Variants in RINL observed in about 807,000 individuals in gnomAD.
The protein encoded by RINL is Ras and Rab interactor like.
Under a neutral mutation model 58.1 loss-of-function variants are expected in RINL, and 39 were observed. The ratio of observed to expected loss-of-function variants is 0.67; its 90% CI spans 0.52 to 0.88. RINL has a LOEUF of 0.88. RINL is among the 40% of genes least tolerant of loss of function. The probability of loss-of-function intolerance (pLI) is 0.00; values close to 1 mark genes in which losing one functional copy is unlikely to be tolerated. For synonymous variants in RINL, 286 were observed against 323.1 expected (o/e 0.89, Z 1.23); for missense variants, 711 against 749.2 (o/e 0.95, Z 0.60).
chr19:38,873,484 G>A (rs1972855328), intron 4 of RINL: 1 of 169,048 alleles, frequency 5.9e-6, no homozygotes, highest in Non-Finnish European at 1.3e-5. Flanking sequence ...AGACAGGATT[G>A]GAAATATTCA....
In RINL at chr19:38,870,072, C is replaced by T; in HGVS notation, c.1213G>A (p.Ala405Thr). The part of the protein sequence containing the change: ...PGPEGQSPAP[A>T]LRSRIHERLA... ...CGCTCGTGGATGCGGCTCCGCAAGGCGGGGGCGGGGCTCTGCCCTTCCGGT... is the reference window on the plus strand; with the variant it reads ...CGCTCGTGGATGCGGCTCCGCAAGGTGGGGGCGGGGCTCTGCCCTTCCGGT... Residue 405 changes from alanine (A) to threonine (T), a missense_variant, in exon 9 of 12, where the codon GCC becomes ACC. Ala to Thr is a moderately conservative substitution (Grantham distance 58). Transcript: ENST00000591812. The surrounding 1 kb of genome is among the most constrained non-coding windows in gnomAD (Gnocchi z 5.8). The T allele has an allele frequency of 2.0e-6, 3 of 1,521,218 alleles. No homozygotes were observed. The highest frequency in any genetic ancestry group is 1.4e-5 in the African/African-American group (1 of 70,766). The allele number at this position is 1,521,218 out of a possible 1,614,324, so 94.2% of individuals were successfully genotyped here. A position where few individuals can be genotyped will look rare whatever the true frequency, so the allele number is the denominator to read the frequency against.
At position 38,871,644 on chromosome 19, in the gene RINL, C is replaced by T. The variant is rs756758823; in HGVS notation, c.451+3G>A. On this transcript the variant is annotated splice_donor_region_variant and intron_variant, in intron 6 of 11. Transcript: ENST00000591812. ...GTGCCCTCTTTAGAGAACCGTGCCT[C>T]ACCTGTGTGTTCATCTCTGGGCCCT... The T allele has an allele frequency of 6.2e-7, 1 of 1,613,402 alleles. No homozygotes were observed. The highest frequency in any genetic ancestry group is 1.7e-5 in the Admixed American group (1 of 59,984).
Position 38,873,918 on chromosome 19 carries a change from A to C in RINL, c.281T>G (p.Val94Gly). Residue 94 changes from valine to glycine, a missense_variant, in exon 4 of 12, where the codon GTC becomes GGC. By Grantham distance (109) the Val-to-Gly change is moderately radical (BLOSUM62 -3). Coordinates refer to ENST00000591812, the MANE Select transcript of RINL (RefSeq NM_001195833.2). ...AATCTTCTGGATCTGGTAGGTATTGACTTCTCCTGGTAAAGGTCCTGACCT... is the reference window on the plus strand; with the variant it reads ...AATCTTCTGGATCTGGTAGGTATTGCCTTCTCCTGGTAAAGGTCCTGACCT... ...VLRSGPLPGE[V>G]NTYQIQKIPR... The C allele has an allele frequency of 2.0e-6, 3 of 1,535,740 alleles. No individual in the cohort carries two copies. Among genetic ancestry groups the C allele is most frequent in the Non-Finnish European group, 2.6e-6 (3 of 1,146,638 alleles).
intron 2 of RINL, 94 bp downstream of exon 2, chr19:38,876,599 G>A (rs1972931399): frequency 6.9e-7 from 1 of 1,451,044 alleles, no homozygotes; most frequent in East Asian, 2.5e-5. Context: ...GCTCAGAGAT[G>A]TGATTCAGGA....
Position 38,870,968 on chromosome 19 carries a change from C to T in RINL, c.626G>A (p.Gly209Glu). Residue 209 changes from glycine (G) to glutamate (E), a missense_variant, in exon 8 of 12, where the codon GGG (glycine) becomes GAG (glutamate). By Grantham distance (98) the Gly-to-Glu change is moderately conservative. Coordinates refer to ENST00000591812, the MANE Select transcript of RINL (RefSeq NM_001195833.2). This position sits in a 1 kb window ranked among gnomAD's most constrained non-coding sequence, Gnocchi z 5.8. ...GAGCGGGCCTTTCACCCAGGAGACC[C>T]CGTGAGGCGCAGGGTTCCTGGGGGC... ...DPAPRNPAPH[G>E]VSWVKGPLSP... 6.2e-7 allele frequency: 1 copy of T among 1,603,586 alleles called. No homozygotes were observed. The highest frequency in any genetic ancestry group is 8.5e-7 in the Non-Finnish European group (1 of 1,177,788).
chr19:38,869,468 C>A lies in RINL; in HGVS notation c.1475-58G>T. ...CTCGGCTTCCCTGGTCGCCCCAAATCCCCCTGCAGTTTGCCTGCCGTCCCT... is the reference window on the plus strand; with the variant it reads ...CTCGGCTTCCCTGGTCGCCCCAAATACCCCTGCAGTTTGCCTGCCGTCCCT... On this transcript the variant is annotated intron_variant, in intron 10 of 11. Coordinates refer to ENST00000591812, the MANE Select transcript of RINL (RefSeq NM_001195833.2). This position sits in a 1 kb window ranked among gnomAD's most constrained non-coding sequence, Gnocchi z 5.7. 1.3e-6 allele frequency: 2 copies of A among 1,576,556 alleles called. No homozygotes were observed. Among genetic ancestry groups the A allele is most frequent in the Non-Finnish European group, 8.6e-7 (1 of 1,158,940 alleles).
intron 4 of RINL, among the ~76,000 whole-genome samples, chr19:38,872,881 AAAAT>A (rs66699029): frequency 0.51 from 77,212 of 151,070 alleles, 19,976 homozygotes; most frequent in East Asian, 0.76. Context: ...AGTACGATAA[AAAAT>A]AAATAAATAA....
rs547899752 is a variant in RINL at position 38,867,984 on chromosome 19, T to C, written c.*1120A>G. ...TTTTTGAGATGGTGTTTCACTCTTGTTGCCCAGGCTGGAGTGCAATGGCGC... is the reference window on the plus strand; with the variant it reads ...TTTTTGAGATGGTGTTTCACTCTTGCTGCCCAGGCTGGAGTGCAATGGCGC... On this transcript the variant is annotated 3_prime_UTR_variant, in exon 12 of 12. Coordinates refer to ENST00000591812, the MANE Select transcript of RINL (RefSeq NM_001195833.2). 2.6e-5 allele frequency: 4 copies of C among 152,360 alleles called. No homozygotes were observed. In the East Asian group the frequency reaches 7.7e-4, roughly 29 times the overall value. The allele number at this position is 152,360 out of a possible 1,614,324, so 9.4% of individuals were successfully genotyped here. A position where few individuals can be genotyped will look rare whatever the true frequency, so the allele number is the denominator to read the frequency against.
chr19:38,876,825 G>T lies in RINL; in HGVS notation c.-39-44C>A, dbSNP rs533328585. On this transcript the variant is annotated intron_variant, in intron 1 of 11. Coordinates refer to ENST00000591812, the MANE Select transcript of RINL (RefSeq NM_001195833.2). ...AGACTCAAAGCTGCTCTAGCCCTCGGGTCATGTTCAAGATATTTACAATCA... is the reference window on the plus strand; with the variant it reads ...AGACTCAAAGCTGCTCTAGCCCTCGTGTCATGTTCAAGATATTTACAATCA... 6 of 1,122,160 alleles carry T rather than the reference G, an allele frequency of 5.3e-6. No homozygotes were observed. In the East Asian group the frequency reaches 7.7e-5, roughly 14 times the overall value. The allele number at this position is 1,122,160 out of a possible 1,614,324, so 69.5% of individuals were successfully genotyped here. A position where few individuals can be genotyped will look rare whatever the true frequency, so the allele number is the denominator to read the frequency against.
intron 3 of RINL, among the ~76,000 whole-genome samples, chr19:38,874,877 G>A (rs1972886353): frequency 6.6e-6 from 1 of 152,170 alleles, no homozygotes; most frequent in African/African-American, 2.4e-5. Context: ...GCTCACGCCT[G>A]TAATCCCAGC....
Position 38,868,964 on chromosome 19 carries a change from TTG to T in RINL, c.*138_*139del. ...GTACGCCACCACGCCCGGCTAATTT[TTG>T]TTTTTTTTTTTTTTTGGTAGATGGG... On this transcript the variant is annotated 3_prime_UTR_variant, in exon 12 of 12. Transcript: ENST00000591812. 10 of 775,976 alleles carry T rather than the reference TTG, an allele frequency of 1.3e-5. No individual in the cohort carries two copies. Among genetic ancestry groups the T allele is most frequent in the East Asian group, 2.7e-5 (1 of 37,730 alleles). 48.1% of individuals were successfully genotyped at this position (775,976 alleles called of 1,614,324 possible). A position where few individuals can be genotyped will look rare whatever the true frequency, so the allele number is the denominator to read the frequency against.
intron 4 of RINL, 167 bp downstream of exon 4, chr19:38,873,719 T>G: frequency 1.9e-6 from 1 of 516,400 alleles, no homozygotes; most frequent in Non-Finnish European, 3.5e-6. Flanking sequence ...AGAGACGGGG[T>G]TTTGCCATGT....
intron 7 of RINL, 38 bp downstream of exon 7, chr19:38,871,040 C>CA (rs770187232): frequency 6.3e-7 from 1 of 1,578,476 alleles, no homozygotes; most frequent in Non-Finnish European, 8.6e-7. Context: ...GGCAGCAGCT[C>CA]CCTCCCCTTC....
intron 3 of RINL, among the ~76,000 whole-genome samples, chr19:38,875,043 G>GAGAATCGCTTGAACCCGGGAGGCAGA (rs1344681825): frequency 3.3e-5 from 5 of 151,878 alleles, no homozygotes; most frequent in African/African-American, 1.2e-4. Context: ...GCTGAGGCAG[G>GAGAATCGCTTGAACCCGGGAGGCAGA]AGAATCGCTT....
rs764359581 is a variant in RINL, at chr19:38,876,744, G to T, written c.-2C>A. The T allele has an allele frequency of 2.6e-6, 4 of 1,535,910 alleles. No homozygotes were observed. Among genetic ancestry groups the T allele is most frequent in the Admixed American group, 2.0e-5 (1 of 50,972 alleles). The stretch of plus-strand genomic sequence containing the variant: ...TGCCTTGTCTTCTGGCTGGGCCATC[G>T]TCAGGTTGCAGGAAGCCAGTGAGTC... On this transcript the variant is annotated 5_prime_UTR_variant, in exon 2 of 12. Transcript: ENST00000591812.
intron 3 of RINL, among the ~76,000 whole-genome samples, chr19:38,875,015 A>G (rs954410346): frequency 2.0e-5 from 3 of 151,500 alleles, no homozygotes; most frequent in Non-Finnish European, 2.9e-5. Flanking sequence ...GGCGCCTGTA[A>G]TCCCAGCTAC....
rs1394406859 is a variant in RINL, at chr19:38,868,542, G to A, written c.*562C>T. The A allele has an allele frequency of 6.6e-6, 1 of 152,010 alleles. No homozygotes were observed. Among genetic ancestry groups the A allele is most frequent in the Non-Finnish European group, 1.5e-5 (1 of 68,044 alleles). 9.4% of individuals were successfully genotyped at this position (152,010 alleles called of 1,614,324 possible). ...TCAGCTACTTGGTAGGCAGAGGCAG[G>A]GGGCTTGTTTGAGCCAGGAGGTTAA... On this transcript the variant is annotated 3_prime_UTR_variant, in exon 12 of 12. Transcript: ENST00000591812.
rs550471204 is a variant in RINL, at chr19:38,870,544, G to A, written c.1024+26C>T. The A allele has an allele frequency of 5.2e-6, 8 of 1,528,594 alleles. No homozygotes were observed. In the South Asian group the frequency reaches 9.1e-5, roughly 17 times the overall value. 94.7% of individuals were successfully genotyped at this position (1,528,594 alleles called of 1,614,324 possible). A position where few individuals can be genotyped will look rare whatever the true frequency, so the allele number is the denominator to read the frequency against. On this transcript the variant is annotated intron_variant, in intron 8 of 11. Coordinates refer to ENST00000591812, the MANE Select transcript of RINL (RefSeq NM_001195833.2). This position sits in a 1 kb window ranked among gnomAD's most constrained non-coding sequence, Gnocchi z 5.8. ...CGAAGTTGCACACTTGAACCCGTGG[G>A]GGCTCCCTTCCAGTCCTCCCATTAC...
intron 5 of RINL, 22 bp downstream of exon 5, chr19:38,871,776 G>A (rs745615063): frequency 1.2e-6 from 2 of 1,613,178 alleles, no homozygotes; most frequent in Non-Finnish European, 1.7e-6. Flanking sequence ...CCCCCTTAGT[G>A]CCTCAGATGG....
Sources: gnomAD v4.1 joint callset for allele counts (sites outside exome capture counted in the v4.1 genomes callset) on GRCh38, gnomAD v4.1.1 for gene constraint, Gnocchi (gnomAD v3.1) non-coding constraint, MANE v1.5 for transcripts, NCBI Gene and HGNC (gene_info 2026-07-23, HGNC 2026-07-21) for gene names.